The following ZNF827 variants were observed in gnomAD, a reference collection of about 807,000 sequenced individuals.
ZNF827 encodes zinc finger protein 827.
In ZNF827, 13 loss-of-function variants were observed where a neutral mutation model predicts 102.4. The ratio of observed to expected loss-of-function variants is 0.13; its 90% confidence interval spans 0.08 to 0.20. ZNF827 has a LOEUF of 0.20. ZNF827 is among the 10% of genes least tolerant of loss of function. ZNF827 has a pLI of 1.00. For missense variants in ZNF827, 1,103 were observed against 1,344.4 expected (o/e 0.82, Z 2.81); for synonymous variants, 523 against 536.2 (o/e 0.98, Z 0.34).
intron 1 of ZNF827, among the ~76,000 whole-genome samples, chr4:145,914,402 GT>G (rs1752525178): frequency 6.6e-6 from 1 of 152,160 alleles, no homozygotes; most frequent in Admixed American, 6.5e-5. Flanking sequence ...TTTTTTATCA[GT>G]TATGCACAAG....
chr4:145,820,768 C>A (rs1428883550), intron 8 of ZNF827, among the ~76,000 whole-genome samples: 1 of 152,152 alleles, frequency 6.6e-6, no homozygotes, highest in Non-Finnish European at 1.5e-5. Flanking sequence ...CTGTCATTTG[C>A]CCCCAATCCT....
chr4:145,887,949 GAGGGGA>G (rs1350834230), intron 3 of ZNF827, among the ~76,000 whole-genome samples: 10 of 152,330 alleles, frequency 6.6e-5, no homozygotes, highest in Admixed American at 5.2e-4. Context: ...CCCAGGAGAG[GAGGGGA>G]GCTAATCCAA....
intron 5 of ZNF827, among the ~76,000 whole-genome samples, chr4:145,850,230 C>T (rs1343601762): frequency 6.6e-6 from 1 of 151,992 alleles, no homozygotes; most frequent in Non-Finnish European, 1.5e-5. Context: ...GGCTGGTCTT[C>T]AACTCCTGAC....
At chr4:145,920,615 CT>C (rs1316790237) in intron 1 of ZNF827, among the ~76,000 whole-genome samples, 1 of 152,220 alleles carries the variant, frequency 6.6e-6, no homozygotes, top group Admixed American at 6.5e-5. Flanking sequence ...AAATCGTTTT[CT>C]CATTTTTGAA....
chr4:145,775,381 C>T (rs1432066598), intron 10 of ZNF827, among the ~76,000 whole-genome samples: 2 of 151,926 alleles, frequency 1.3e-5, no homozygotes, highest in African/African-American at 4.8e-5. Flanking sequence ...ATACGTAACG[C>T]CTTCTGGGCT....
intron 1 of ZNF827, among the ~76,000 whole-genome samples, chr4:145,907,605 T>A (rs548182835): frequency 3.6e-4 from 55 of 152,312 alleles, no homozygotes; most frequent in Middle Eastern, 3.4e-3. Context: ...TGGAAGTGCT[T>A]CCTGCGGTAC....
intron 8 of ZNF827, among the ~76,000 whole-genome samples, chr4:145,791,443 TA>T (rs1739684810): frequency 6.6e-6 from 1 of 152,336 alleles, no homozygotes; most frequent in Admixed American, 6.5e-5. Flanking sequence ...ATTTAGACCA[TA>T]CCACTTTGTT....
chr4:145,878,589 G>A (rs1259751574), intron 4 of ZNF827, among the ~76,000 whole-genome samples: 2 of 134,704 alleles, frequency 1.5e-5, no homozygotes, highest in African/African-American at 5.9e-5. Context: ...GGACAGGACA[G>A]GACAGGACAG....
At chr4:145,814,979 C>A (rs976829653) in intron 8 of ZNF827, among the ~76,000 whole-genome samples, 1 of 151,982 alleles carries the variant, frequency 6.6e-6, no homozygotes, top group African/African-American at 2.4e-5. Context: ...AAATTGCACC[C>A]AAATTTGTCT....
rs1403686945 is a variant in ZNF827, at chr4:145,849,350, C to T, written c.2193G>A (p.Met731Ile). The change falls in exon 6 of 15, where the codon ATG (methionine) becomes ATA (isoleucine). Residue 731 changes from methionine (M) to isoleucine (I), a missense_variant. Around this residue, in one of 5 missense-constraint regions of ZNF827, gnomAD observed 243 missense variants for 251.6 expected, o/e 0.97. Coordinates refer to ENST00000508784, the MANE Select transcript of ZNF827 (RefSeq NM_001306215.2). ...ACAGTTGAAAGAGGAGCTCGGAAGC[C>T]ATTTTCACAGAGATATCCTGACTGA... ...NLFSQDISVK[M>I]ASELLFQLSE... 6.2e-7 allele frequency: 1 copy of T among 1,613,902 alleles called. No homozygotes were observed. The highest frequency in any genetic ancestry group is 8.5e-7 in the Non-Finnish European group (1 of 1,180,006).
chr4:145,919,537 C>G (rs562581927), intron 1 of ZNF827, among the ~76,000 whole-genome samples: 4 of 152,302 alleles, frequency 2.6e-5, no homozygotes, highest in African/African-American at 9.6e-5. Flanking sequence ...TTGGAATTTA[C>G]CAGCTATATA....
Position 145,902,530 on chromosome 4 carries a change from A to C in ZNF827, c.729T>G (p.Pro243=), listed in dbSNP as rs1419416531. Residue 243 remains proline (P), a synonymous_variant, in exon 2 of 15, where the codon CCT becomes CCG. Transcript: ENST00000508784. The surrounding 1 kb of genome is among the most constrained non-coding windows in gnomAD (Gnocchi z 4.3). ...TAGAACTGGCAGACTGGGAGCTAAAAGGGGAGGAAAAGGACTCAAATCGCA... is the reference window on the plus strand; with the variant it reads ...TAGAACTGGCAGACTGGGAGCTAAACGGGGAGGAAAAGGACTCAAATCGCA... ...ETMRFESFSS[P]FSSQSASSTL... is the part of the protein sequence containing the mutation. The C allele has an allele frequency of 6.2e-7, 1 of 1,613,980 alleles. No individual in the cohort carries two copies. Among genetic ancestry groups the C allele is most frequent in the Non-Finnish European group, 8.5e-7 (1 of 1,180,020 alleles).
Position 145,774,666 on chromosome 4 carries a change from G to A in ZNF827, c.2700C>T (p.His900=), listed in dbSNP as rs76077920. The A allele has an allele frequency of 1.1e-3, 1,795 of 1,613,490 alleles. 5 individuals carry two copies. The East Asian group carries it at 0.015, about 13-fold the overall frequency. Residue 900 remains histidine, a synonymous_variant, in exon 11 of 15, where the codon CAC becomes CAT. Coordinates refer to ENST00000508784, the MANE Select transcript of ZNF827 (RefSeq NM_001306215.2). ...TGAGCTCGGTCTCAAATCCACACAC[G>A]TGACAACTACATGAAAGGGTAAAAG... is the stretch of plus-strand genomic sequence containing the variant. The part of the protein sequence containing the change: ...GKKHPYYYSC[H]VCGFETELNV...
rs1215020928 is a variant in ZNF827 at position 145,758,092 on chromosome 4, GA to G, written c.*3523del. Reference sequence around the variant, plus strand: ...AGGGTGGAGTCTGAAAAATGCTGTAGATTTTTTTCTTTATTAATAACAATAA... The same window carrying G: ...AGGGTGGAGTCTGAAAAATGCTGTAGTTTTTTTCTTTATTAATAACAATAA... On this transcript the variant is annotated 3_prime_UTR_variant, in exon 15 of 15. Transcript: ENST00000508784. The G allele has an allele frequency of 4.6e-5, 7 of 152,164 alleles. No homozygotes were observed. The highest frequency in any genetic ancestry group is 8.8e-5 in the Non-Finnish European group (6 of 67,988). 9.4% of individuals were successfully genotyped at this position (152,164 alleles called of 1,614,324 possible). A position where few individuals can be genotyped will look rare whatever the true frequency, so the allele number is the denominator to read the frequency against.
intron 5 of ZNF827, among the ~76,000 whole-genome samples, chr4:145,853,412 C>G (rs1350984775): frequency 6.6e-6 from 1 of 152,118 alleles, no homozygotes; most frequent in Non-Finnish European, 1.5e-5. Flanking sequence ...GTCATTTTAT[C>G]CCAGGTGGTC....
intron 6 of ZNF827, among the ~76,000 whole-genome samples, chr4:145,846,835 A>G (rs1310439132): frequency 1.4e-5 from 2 of 143,786 alleles, no homozygotes; most frequent in African/African-American, 5.2e-5. Context: ...AAACAAACAA[A>G]AACACAACAA....
chr4:145,840,967 A>G (rs1003221284), intron 7 of ZNF827, among the ~76,000 whole-genome samples: 3 of 152,248 alleles, frequency 2.0e-5, no homozygotes, highest in Non-Finnish European at 4.4e-5. Flanking sequence ...GCACAGCACG[A>G]TATGAGTCTA....
chr4:145,870,498 G>T lies in ZNF827; in HGVS notation c.1748-20C>A. 1 of 1,608,648 alleles carries T rather than the reference G, an allele frequency of 6.2e-7. No individual in the cohort carries two copies. The highest frequency in any genetic ancestry group is 2.2e-5 in the East Asian group (1 of 44,820). ...TTGCAGCTGTCAAAAGAAAAAAAGG[G>T]ATTATATATACATAAAAGGCCACTC... On this transcript the variant is annotated intron_variant, in intron 4 of 14. Coordinates refer to ENST00000508784, the MANE Select transcript of ZNF827 (RefSeq NM_001306215.2).
chr4:145,867,509 T>C (rs1254245555), intron 5 of ZNF827, among the ~76,000 whole-genome samples: 8 of 152,254 alleles, frequency 5.3e-5, no homozygotes, highest in Non-Finnish European at 5.9e-5. Flanking sequence ...AGTTTCTTCT[T>C]ATTCATTCAA....
Sources: allele counts gnomAD v4.1 joint callset (sites outside exome capture counted in the v4.1 genomes callset), GRCh38; gene constraint gnomAD v4.1.1; regional missense constraint gnomAD v4.1.1; non-coding constraint Gnocchi (gnomAD v3.1); transcripts MANE v1.5; gene names NCBI Gene and HGNC (gene_info 2026-07-23, HGNC 2026-07-21).